The following ASAP2 variants were observed in gnomAD, a reference collection of about 807,000 sequenced individuals.
ASAP2 encodes the protein ArfGAP with SH3 domain, ankyrin repeat and PH domain 2, also known as arf-GAP with SH3 domain, ANK repeat and PH domain-containing protein 2.
In ASAP2, 45 loss-of-function variants were observed where a neutral mutation model predicts 131.4. The observed-to-expected ratio is 0.34, with a 90% CI of 0.27 to 0.44. ASAP2 has a LOEUF of 0.44. Among genes scored for constraint, ASAP2 ranks in the 20% least tolerant of loss-of-function variants. ASAP2 has a pLI of 1.00. For synonymous variants in ASAP2, 510 were observed against 503.0 expected, an observed-to-expected ratio of 1.01 and a Z score of -0.19; for missense variants, 1,011 against 1,297.0, an observed-to-expected ratio of 0.78 and a Z score of 3.39.
At chr2:9,230,374 T>C (rs908381141) in intron 1 of ASAP2, among the ~76,000 whole-genome samples, 1 of 152,190 alleles carries the variant, frequency 6.6e-6, no homozygotes, top group South Asian at 2.1e-4. Context: ...GTTACAAGAC[T>C]GAGCAGTGCA....
chr2:9,248,317 A>G (rs1369920224), intron 1 of ASAP2, among the ~76,000 whole-genome samples: 2 of 152,212 alleles, frequency 1.3e-5, no homozygotes, highest in East Asian at 1.9e-4. Flanking sequence ...AGGAAAATAC[A>G]AAATCTGTTT....
chr2:9,314,190 G>A (rs1027136572), intron 3 of ASAP2, among the ~76,000 whole-genome samples: 4 of 152,060 alleles, frequency 2.6e-5, no homozygotes. Context: ...TGCCGTGTTG[G>A]TCAGGCTGGT....
intron 19 of ASAP2, among the ~76,000 whole-genome samples, chr2:9,380,004 T>TA (rs1235270483): frequency 2.8e-4 from 40 of 142,302 alleles, no homozygotes; most frequent in African/African-American, 1.1e-3. Context: ...AAAAAAAAAA[T>TA]AAATAAAGTA....
At chr2:9,305,282 ATGTTGGTG>A (rs1668805368) in intron 3 of ASAP2, among the ~76,000 whole-genome samples, 1 of 146,588 alleles carries the variant, frequency 6.8e-6, no homozygotes, top group African/African-American at 2.6e-5. Flanking sequence ...TGGGGTATAG[ATGTTGGTG>A]TAGAGGCTGT....
At chr2:9,323,740 C>T (rs1314676411) in intron 6 of ASAP2, among the ~76,000 whole-genome samples, 2 of 152,182 alleles carry the variant, frequency 1.3e-5, no homozygotes, top group Non-Finnish European at 2.9e-5. Flanking sequence ...CGGGGGCACT[C>T]ATCTAGCCCG....
chr2:9,307,004 C>G (rs1170442738), intron 3 of ASAP2, among the ~76,000 whole-genome samples: 1 of 152,178 alleles, frequency 6.6e-6, no homozygotes, highest in Admixed American at 6.5e-5. Flanking sequence ...AGCAGGCAGT[C>G]AAGCTTGAGC....
intron 24 of ASAP2, among the ~76,000 whole-genome samples, 175 bp downstream of exon 24, chr2:9,393,822 A>G (rs1399109289): frequency 1.3e-5 from 2 of 152,228 alleles, no homozygotes; most frequent in Non-Finnish European, 2.9e-5. Flanking sequence ...TTTAGACTGT[A>G]AAAATGTCTT....
chr2:9,377,140 A>C, intron 18 of ASAP2, 147 bp downstream of exon 18: 1 of 688,386 alleles, frequency 1.5e-6, no homozygotes, highest in Non-Finnish European at 2.4e-6. Context: ...AAGGACTGCC[A>C]GGTGTGAGGT....
chr2:9,343,013 T>C (rs1469645430), intron 9 of ASAP2, among the ~76,000 whole-genome samples: 2 of 152,234 alleles, frequency 1.3e-5, no homozygotes, highest in Non-Finnish European at 2.9e-5. Context: ...CTGATTTTCC[T>C]GCGTTAGTTC....
At position 9,374,846 on chromosome 2, in the gene ASAP2, CTT is replaced by C; in HGVS notation, c.1650_1651del (p.Cys551ArgfsTer17). ...HADNAAKLHS[L>X]CEAVKTRDIF... Reference sequence around the variant, plus strand: ...GGATAACGCGGCGAAGCTTCACAGTCTTTGCGAGGCCGTCAAAACGAGAGATA... The same window carrying C: ...GGATAACGCGGCGAAGCTTCACAGTCTGCGAGGCCGTCAAAACGAGAGATA... On this transcript the variant is annotated frameshift_variant, in exon 17 of 28. Coordinates refer to ENST00000281419, the MANE Select transcript of ASAP2 (RefSeq NM_003887.3). LOFTEE classifies it high-confidence loss of function. The C allele has an allele frequency of 1.2e-6, 2 of 1,614,110 alleles. No homozygotes were observed. The highest frequency in any genetic ancestry group is 1.7e-6 in the Non-Finnish European group (2 of 1,180,020).
intron 7 of ASAP2, 122 bp from the exon 8 acceptor site, chr2:9,334,616 C>G: frequency 2.6e-6 from 2 of 778,830 alleles, no homozygotes; most frequent in Non-Finnish European, 4.1e-6. Flanking sequence ...TCTGTTCATA[C>G]AGTCTTTTCC....
chr2:9,275,988 G>T (rs1438718404), intron 1 of ASAP2, among the ~76,000 whole-genome samples: 1 of 152,232 alleles, frequency 6.6e-6, no homozygotes, highest in African/African-American at 2.4e-5. Context: ...TGGCCTAGAG[G>T]CAGAGCTGGA....
chr2:9,380,653 C>T lies in ASAP2; in HGVS notation c.1949-88C>T, dbSNP rs2148740025. ...CAGGCCCAATTTAATTTAGTGCTGC[C>T]TTTCTGTTCCTTTTAAAAATTGTCC... On this transcript the variant is annotated intron_variant, in intron 19 of 27. Coordinates refer to ENST00000281419, the MANE Select transcript of ASAP2 (RefSeq NM_003887.3). 6 of 1,257,636 alleles carry T rather than the reference C, an allele frequency of 4.8e-6. No homozygotes were observed. In the East Asian group the frequency reaches 9.3e-5, roughly 19 times the overall value. The allele number at this position is 1,257,636 out of a possible 1,614,324, so 77.9% of individuals were successfully genotyped here.
chr2:9,253,226 C>T (rs983630769), intron 1 of ASAP2, among the ~76,000 whole-genome samples: 1 of 151,996 alleles, frequency 6.6e-6, no homozygotes, highest in Non-Finnish European at 1.5e-5. Context: ...TGCAATGGCG[C>T]GATATTGGCT....
chr2:9,401,209 G>T, intron 26 of ASAP2, 65 bp from the exon 27 acceptor site: 3 of 1,588,806 alleles, frequency 1.9e-6, no homozygotes, highest in Non-Finnish European at 2.6e-6. Context: ...CAGGGTGCTT[G>T]AGCTCTCTGC....
chr2:9,235,171 C>T (rs1335898016), intron 1 of ASAP2, among the ~76,000 whole-genome samples: 1 of 152,162 alleles, frequency 6.6e-6, no homozygotes, highest in East Asian at 1.9e-4. Flanking sequence ...TACAGAGTGA[C>T]TAATGGTAGA....
At chr2:9,277,319 G>A (rs1305786894) in intron 1 of ASAP2, among the ~76,000 whole-genome samples, 2 of 152,198 alleles carry the variant, frequency 1.3e-5, no homozygotes, top group African/African-American at 4.8e-5. Flanking sequence ...GTCTGCGGCT[G>A]GAAGACTGGG....
intron 1 of ASAP2, among the ~76,000 whole-genome samples, chr2:9,251,739 G>C (rs540556164): frequency 2.0e-5 from 3 of 151,842 alleles, no homozygotes; most frequent in African/African-American, 7.3e-5. Flanking sequence ...GGACATCAGC[G>C]TGGCAAATGG....
intron 1 of ASAP2, among the ~76,000 whole-genome samples, chr2:9,251,488 C>G (rs574580095): frequency 6.6e-6 from 1 of 152,294 alleles, no homozygotes; most frequent in South Asian, 2.1e-4. Flanking sequence ...AACAGCTAAT[C>G]CCTGATGTCC....
Sources: gnomAD v4.1 joint callset for allele counts (sites outside exome capture counted in the v4.1 genomes callset) on GRCh38, gnomAD v4.1.1 for gene constraint, MANE v1.5 for transcripts, NCBI Gene and HGNC (gene_info 2026-07-23, HGNC 2026-07-21) for gene names.